Variants in GRIN2A observed in about 807,000 individuals in gnomAD.
The protein encoded by GRIN2A is glutamate ionotropic receptor NMDA type subunit 2A.
A neutral mutation model predicts 113.4 loss-of-function variants in GRIN2A; 22 were observed. That is an observed-to-expected ratio of 0.19 (90% confidence interval 0.14 to 0.28). The LOEUF (loss-of-function observed/expected upper bound fraction) is 0.28, where lower values mean the gene tolerates loss of function less well. GRIN2A is among the 10% of genes least tolerant of loss of function. The pLI, the probability that GRIN2A is intolerant of heterozygous loss-of-function variation, is 1.00. For missense variants in GRIN2A, 1,502 were observed against 1,887.0 expected (o/e 0.80, Z 3.78); for synonymous variants, 827 against 738.4 (o/e 1.12, Z -1.94).
At chr16:9,772,655 C>T (rs112873223) in intron 11 of GRIN2A, among the ~76,000 whole-genome samples, 3,658 of 152,158 alleles carry the variant, frequency 0.024, 69 homozygotes, top group African/African-American at 0.058. Context: ...GGATTACAGG[C>T]GTGAGCCACC....
At chr16:10,127,066 T>A (rs1046171043) in intron 2 of GRIN2A, among the ~76,000 whole-genome samples, 1 of 152,170 alleles carries the variant, frequency 6.6e-6, no homozygotes, top group African/African-American at 2.4e-5. Context: ...CTAAAAGCCT[T>A]CCTGACAGCA....
chr16:9,927,485 T>C (rs1230191745), intron 3 of GRIN2A, among the ~76,000 whole-genome samples: 1 of 152,164 alleles, frequency 6.6e-6, no homozygotes, highest in South Asian at 2.1e-4. Flanking sequence ...CAAGAGATCA[T>C]AGAGAAAAGA....
intron 12 of GRIN2A, among the ~76,000 whole-genome samples, chr16:9,767,365 T>C (rs1224051274): frequency 6.6e-6 from 1 of 152,238 alleles, no homozygotes; most frequent in East Asian, 1.9e-4. Context: ...TAGTTAGCTT[T>C]CTCAGTAAAC....
At chr16:9,861,226 T>G (rs905398851) in intron 4 of GRIN2A, among the ~76,000 whole-genome samples, 2 of 152,002 alleles carry the variant, frequency 1.3e-5, no homozygotes, top group Admixed American at 6.6e-5. Flanking sequence ...TAAGCAGTGA[T>G]TTACTCCCAA....
chr16:9,958,202 A>G (rs1187913499), intron 2 of GRIN2A, among the ~76,000 whole-genome samples: 1 of 152,198 alleles, frequency 6.6e-6, no homozygotes, highest in Non-Finnish European at 1.5e-5. Context: ...CATGCAATTA[A>G]CTTCCAATAC....
rs1900375563 is a variant in GRIN2A at position 9,757,039 on chromosome 16, A to C, written c.*6110T>G. Reference sequence around the variant, plus strand: ...CTTCAAATGTCAAAAACAAAACCAAACAAAAAAGCTTTAGGGAAATGCTTC... The same window carrying C: ...CTTCAAATGTCAAAAACAAAACCAACCAAAAAAGCTTTAGGGAAATGCTTC... On this transcript the variant is annotated 3_prime_UTR_variant, in exon 13 of 13. Transcript: ENST00000330684. 1 of 202,490 alleles carries C rather than the reference A, an allele frequency of 4.9e-6. No homozygotes were observed. 12.5% of individuals were successfully genotyped at this position (202,490 alleles called of 1,614,324 possible).
chr16:10,161,210 G>A (rs948170530), intron 2 of GRIN2A, among the ~76,000 whole-genome samples: 1 of 152,114 alleles, frequency 6.6e-6, no homozygotes, highest in Non-Finnish European at 1.5e-5. Context: ...TCTTATTAGG[G>A]GCTTTTCCCC....
Position 9,897,221 on chromosome 16 carries a change from A to ATATGTACATATTTTATATTTAT in GRIN2A, c.1008-6122_1008-6121insATAAATATAAAATATGTACATA, listed in dbSNP as rs60188583. Reference sequence around the variant, plus strand: ...ATATATTTACATATTTTATATATATAAAAAAATACATAAAATACGTACATA... The same window carrying ATATGTACATATTTTATATTTAT: ...ATATATTTACATATTTTATATATATATATGTACATATTTTATATTTATAAAAAATACATAAAATACGTACATA... On this transcript the variant is annotated intron_variant, in intron 3 of 12. Coordinates refer to ENST00000330684, the MANE Select transcript of GRIN2A (RefSeq NM_001134407.3). Among the ~76,000 whole-genome samples, 3 of 149,266 alleles carry ATATGTACATATTTTATATTTAT rather than the reference A, an allele frequency of 2.0e-5. No individual in the cohort carries two copies. The East Asian group carries it at 5.8e-4, about 29-fold the overall frequency.
chr16:10,136,840 G>C (rs2049202932), intron 2 of GRIN2A, among the ~76,000 whole-genome samples: 1 of 152,178 alleles, frequency 6.6e-6, no homozygotes. Flanking sequence ...CCCTGAAAAA[G>C]AATTTGAGCT....
chr16:9,959,255 A>C (rs1309468614), intron 2 of GRIN2A, among the ~76,000 whole-genome samples: 1 of 152,160 alleles, frequency 6.6e-6, no homozygotes, highest in East Asian at 1.9e-4. Context: ...AAACATCTCC[A>C]ATCTCCTAAG....
At position 9,764,166 on chromosome 16, in the gene GRIN2A, A is replaced by G. The variant is rs760073529; in HGVS notation, c.3378T>C (p.Pro1126=). 1.3e-5 allele frequency: 21 copies of G among 1,613,324 alleles called. No individual in the cohort carries two copies. In the South Asian group the frequency reaches 2.2e-4, roughly 17 times the overall value. The part of the protein sequence containing the change: ...KIYTIDGEKE[P]GFHLDPPQFV... ...ACTGGGGTGGATCTAAGTGGAAACC[A>G]GGCTCCTTCTCACCATCTATAGTGT... Residue 1126 remains proline, a synonymous_variant, in exon 13 of 13, where the codon CCT becomes CCC. Coordinates refer to ENST00000330684, the MANE Select transcript of GRIN2A (RefSeq NM_001134407.3).
chr16:10,055,735 A>G (rs1299435744), intron 2 of GRIN2A, among the ~76,000 whole-genome samples: 1 of 152,222 alleles, frequency 6.6e-6, no homozygotes, highest in Non-Finnish European at 1.5e-5. Context: ...ACAGAAACCA[A>G]TGTAGCCCAA....
intron 2 of GRIN2A, among the ~76,000 whole-genome samples, chr16:10,015,846 G>A (rs1427360041): frequency 1.3e-5 from 2 of 152,064 alleles, no homozygotes; most frequent in East Asian, 3.9e-4. Flanking sequence ...CATGTGGTAG[G>A]GTAGCTGGGC....
At chr16:9,875,882 G>A (rs1473270748) in intron 4 of GRIN2A, among the ~76,000 whole-genome samples, 1 of 152,108 alleles carries the variant, frequency 6.6e-6, no homozygotes, top group Non-Finnish European at 1.5e-5. Flanking sequence ...TGTGCCATGT[G>A]CACCTCTCCT....
chr16:9,763,907 G>A lies in GRIN2A; in HGVS notation c.3637C>T (p.His1213Tyr), dbSNP rs757691776. 5 of 1,614,046 alleles carry A rather than the reference G, an allele frequency of 3.1e-6. No homozygotes were observed. Among genetic ancestry groups the A allele is most frequent in the Non-Finnish European group, 4.2e-6 (5 of 1,180,018 alleles). The part of the protein sequence containing the change: ...TSERYRQNST[H>Y]CRSCLSNMPT... ...ATGTTGGAAAGGCAGCTTCTGCAGT[G>A]CGTGGAGTTCTGCCGGTATCGCTCG... The change falls in exon 13 of 13, where the codon CAC (histidine) becomes TAC (tyrosine). Residue 1213 changes from histidine (H) to tyrosine (Y), a missense_variant. By Grantham distance (83) the His-to-Tyr change is moderately conservative (BLOSUM62 2). Transcript: ENST00000330684.
intron 3 of GRIN2A, among the ~76,000 whole-genome samples, chr16:9,911,304 T>G (rs780340404): frequency 6.6e-6 from 1 of 152,106 alleles, no homozygotes; most frequent in African/African-American, 2.4e-5. Context: ...TTGGGTAACA[T>G]AGAGAGATGC....
intron 2 of GRIN2A, among the ~76,000 whole-genome samples, chr16:9,976,811 G>A (rs910275916): frequency 1.3e-5 from 2 of 152,160 alleles, no homozygotes; most frequent in African/African-American, 4.8e-5. Flanking sequence ...TCCCTCCGAG[G>A]GAAGCCACTA....
chr16:9,884,346 C>T (rs1252548112), intron 4 of GRIN2A, among the ~76,000 whole-genome samples: 1 of 152,072 alleles, frequency 6.6e-6, no homozygotes, highest in Non-Finnish European at 1.5e-5. Flanking sequence ...GTCAGGGGTT[C>T]AAGACCAGCC....
At chr16:9,782,752 G>A (rs535225033) in intron 11 of GRIN2A, among the ~76,000 whole-genome samples, 24 of 152,258 alleles carry the variant, frequency 1.6e-4, no homozygotes, top group African/African-American at 5.1e-4. Flanking sequence ...GCAAATTTAC[G>A]CAGATTAAAT....
Sources: allele counts gnomAD v4.1 joint callset (sites outside exome capture counted in the v4.1 genomes callset), GRCh38; gene constraint gnomAD v4.1.1; transcripts MANE v1.5; gene names NCBI Gene and HGNC (gene_info 2026-07-23, HGNC 2026-07-21).